The following CMSS1 variants were observed in gnomAD, a reference collection of about 807,000 sequenced individuals.
The protein encoded by CMSS1 is cms1 ribosomal small subunit homolog.
A neutral mutation model predicts 43.5 loss-of-function variants in CMSS1; 33 were observed. That is an observed-to-expected ratio of 0.76 (90% confidence interval 0.57 to 1.01). The LOEUF (loss-of-function observed/expected upper bound fraction) is 1.01, where lower values mean the gene tolerates loss of function less well. Ranked by LOEUF, CMSS1 falls within the 50% of genes least tolerant of loss-of-function variation. The pLI, the probability that CMSS1 is intolerant of heterozygous loss-of-function variation, is 0.00. For missense variants in CMSS1, 313 were observed against 326.4 expected, an observed-to-expected ratio of 0.96 and a Z score of 0.32; for synonymous variants, 115 against 117.2, an observed-to-expected ratio of 0.98 and a Z score of 0.12.
intron 1 of CMSS1, among the ~76,000 whole-genome samples, chr3:99,845,608 A>G (rs571066100): frequency 6.6e-6 from 1 of 152,176 alleles, no homozygotes; most frequent in Non-Finnish European, 1.5e-5. Context: ...TAATCTTCCA[A>G]TCTCTTTCTC....
rs545945918 is a variant in CMSS1, at chr3:99,938,087, G to A, written c.64+120044G>A. Among the ~76,000 whole-genome samples, 788 of 152,180 alleles carry A rather than the reference G, an allele frequency of 5.2e-3. 11 individuals are homozygous for A. Among genetic ancestry groups the A allele is most frequent in the African/African-American group, 0.018 (737 of 41,542 alleles). On this transcript the variant is annotated intron_variant, in intron 1 of 9. Coordinates refer to ENST00000421999, the MANE Select transcript of CMSS1 (RefSeq NM_032359.4). ...TGTGTGTGTGTGTGCGCGCGCGCGC[G>A]CGCGTGCATGCACACTCGTGCTGGG...
In CMSS1 at chr3:100,159,976, A is replaced by G. The variant is rs113773014; in HGVS notation, c.154-454A>G. On this transcript the variant is annotated intron_variant, in intron 2 of 9. Coordinates refer to ENST00000421999, the MANE Select transcript of CMSS1 (RefSeq NM_032359.4). ...CTTATTGAAAAGAGGAAAGGAATGT[A>G]TAATACAAAACAATAAACCAGTGAC... 172 of 454,506 alleles carry G rather than the reference A, an allele frequency of 3.8e-4. 1 individual carries two copies. The highest frequency in any genetic ancestry group is 2.9e-3 in the African/African-American group (143 of 50,100). 28.2% of individuals were successfully genotyped at this position (454,506 alleles called of 1,614,324 possible).
intron 1 of CMSS1, among the ~76,000 whole-genome samples, chr3:99,868,177 T>TA (rs1329129475): frequency 6.6e-6 from 1 of 152,192 alleles, no homozygotes; most frequent in East Asian, 1.9e-4. Flanking sequence ...AGTTGTTTCT[T>TA]ACTTCAGATG....
intron 1 of CMSS1, among the ~76,000 whole-genome samples, chr3:100,078,595 A>C (rs74710453): frequency 7.1e-6 from 1 of 141,738 alleles, no homozygotes; most frequent in Non-Finnish European, 1.6e-5. Flanking sequence ...TGAGGTAAAG[A>C]AAAAAAAAAT....
At chr3:99,982,182 G>GT (rs962460050) in intron 1 of CMSS1, among the ~76,000 whole-genome samples, 3 of 151,790 alleles carry the variant, frequency 2.0e-5, no homozygotes, top group African/African-American at 4.8e-5. Flanking sequence ...TTTAGTATAT[G>GT]TTTTTTTAAT....
intron 1 of CMSS1, among the ~76,000 whole-genome samples, chr3:100,081,007 A>C (rs1203117916): frequency 6.6e-6 from 1 of 152,190 alleles, no homozygotes; most frequent in African/African-American, 2.4e-5. Flanking sequence ...TTATTTATTC[A>C]AGAACTATCT....
chr3:100,038,581 A>G (rs909575633), intron 1 of CMSS1, among the ~76,000 whole-genome samples: 7 of 152,220 alleles, frequency 4.6e-5, no homozygotes, highest in African/African-American at 7.2e-5. Flanking sequence ...GTACTTTTGT[A>G]GGGACTGGAA....
At chr3:99,962,028 C>T (rs899176455) in intron 1 of CMSS1, among the ~76,000 whole-genome samples, 2 of 151,962 alleles carry the variant, frequency 1.3e-5, no homozygotes, top group African/African-American at 2.4e-5. Context: ...TTAGGGATGT[C>T]GGGGAAATTT....
chr3:99,897,575 G>C (rs999559015), intron 1 of CMSS1, among the ~76,000 whole-genome samples: 1 of 151,938 alleles, frequency 6.6e-6, no homozygotes, highest in African/African-American at 2.4e-5. Context: ...TAATATTATT[G>C]CCAAGACAAT....
intron 1 of CMSS1, among the ~76,000 whole-genome samples, chr3:100,077,828 AG>A (rs914171692): frequency 2.0e-5 from 3 of 152,140 alleles, no homozygotes; most frequent in African/African-American, 7.2e-5. Context: ...GGATCACTTG[AG>A]CCCAGGAGGT....
intron 1 of CMSS1, among the ~76,000 whole-genome samples, chr3:99,877,623 A>G (rs1269526483): frequency 6.6e-6 from 1 of 152,210 alleles, no homozygotes; most frequent in Admixed American, 6.5e-5. Flanking sequence ...GCAATTGTGT[A>G]CTAACATTTT....
intron 1 of CMSS1, among the ~76,000 whole-genome samples, chr3:99,933,054 A>T (rs1203711084): frequency 6.6e-6 from 1 of 152,214 alleles, no homozygotes; most frequent in Admixed American, 6.6e-5. Flanking sequence ...TCTCCATTTT[A>T]CAGTGAACAA....
intron 1 of CMSS1, chr3:99,830,275 TG>T: frequency 2.9e-6 from 1 of 341,514 alleles, no homozygotes; most frequent in Non-Finnish European, 5.8e-6. Flanking sequence ...TGCTGCTTTT[TG>T]GGGGATGATC....
intron 1 of CMSS1, among the ~76,000 whole-genome samples, chr3:99,846,108 A>G (rs1943353115): frequency 6.6e-6 from 1 of 152,172 alleles, no homozygotes; most frequent in African/African-American, 2.4e-5. Flanking sequence ...TTGGCTCCCA[A>G]ACTCTATTAG....
intron 1 of CMSS1, among the ~76,000 whole-genome samples, chr3:100,055,390 G>C (rs2065447706): frequency 6.6e-6 from 1 of 152,080 alleles, no homozygotes; most frequent in African/African-American, 2.4e-5. Context: ...GATCCACGTG[G>C]CCATATGCTC....
intron 7 of CMSS1, 174 bp downstream of exon 7, chr3:100,172,073 G>C (rs917774191): frequency 1.6e-6 from 1 of 641,780 alleles, no homozygotes; most frequent in Non-Finnish European, 2.7e-6. Context: ...TACCTCCCCA[G>C]TATGGCAGTC....
intron 1 of CMSS1, chr3:99,848,710 G>A: frequency 1.2e-6 from 2 of 1,614,190 alleles, no homozygotes; most frequent in Non-Finnish European, 1.7e-6. Context: ...AGAACCACAA[G>A]ACTCTGGGGT....
At chr3:100,148,845 G>T (rs868140687) in intron 2 of CMSS1, among the ~76,000 whole-genome samples, 1 of 151,608 alleles carries the variant, frequency 6.6e-6, no homozygotes, top group Non-Finnish European at 1.5e-5. Context: ...AATCATCTTG[G>T]TTTTTTTTCT....
At chr3:99,848,389 A>T (rs1293424568) in intron 1 of CMSS1, 1 of 1,614,080 alleles carries the variant, frequency 6.2e-7, no homozygotes, top group South Asian at 1.1e-5. Flanking sequence ...TGCCCCGTTA[A>T]TTAAGCCTTG....
Sources: allele counts gnomAD v4.1 joint callset (sites outside exome capture counted in the v4.1 genomes callset), GRCh38; gene constraint gnomAD v4.1.1; transcripts MANE v1.5; gene names NCBI Gene and HGNC (gene_info 2026-07-23, HGNC 2026-07-21).